The following KCNJ6 variants were observed in gnomAD, a reference collection of about 807,000 sequenced individuals.
The protein encoded by KCNJ6 is G protein-activated inward rectifier potassium channel 2.
In KCNJ6, 9 loss-of-function variants were observed where a neutral mutation model predicts 34.2. The ratio of observed to expected loss-of-function variants is 0.26; its 90% confidence interval spans 0.16 to 0.46. The LOEUF (loss-of-function observed/expected upper bound fraction) is 0.46. Ranked by LOEUF, KCNJ6 falls within the 20% of genes least tolerant of loss-of-function variation. The probability of loss-of-function intolerance (pLI) is 1.00; values close to 1 mark genes in which losing one functional copy is unlikely to be tolerated. For synonymous variants in KCNJ6, 196 were observed against 207.1 expected, an observed-to-expected ratio of 0.95 and a Z score of 0.46; for missense variants, 236 against 531.3, an observed-to-expected ratio of 0.44 and a Z score of 5.46.
intron 1 of KCNJ6, among the ~76,000 whole-genome samples, chr21:37,909,885 G>A (rs945690341): frequency 2.6e-5 from 4 of 152,170 alleles, no homozygotes; most frequent in Admixed American, 1.3e-4. Context: ...GTTGCTGCAC[G>A]GCTTGCAGTG....
At chr21:37,780,166 G>A (rs760829300) in intron 2 of KCNJ6, among the ~76,000 whole-genome samples, 2 of 152,164 alleles carry the variant, frequency 1.3e-5, no homozygotes, top group Admixed American at 6.5e-5. Flanking sequence ...AAGACCTGGA[G>A]GAGGCTTAAA....
intron 3 of KCNJ6, among the ~76,000 whole-genome samples, chr21:37,702,936 G>A (rs1449079213): frequency 4.6e-5 from 7 of 152,104 alleles, no homozygotes; most frequent in Non-Finnish European, 1.0e-4. Flanking sequence ...TGGATCTGGC[G>A]GGATGGACGT....
intron 2 of KCNJ6, among the ~76,000 whole-genome samples, chr21:37,800,141 G>A (rs2055262191): frequency 6.6e-6 from 1 of 152,112 alleles, no homozygotes; most frequent in Non-Finnish European, 1.5e-5. Context: ...AAGAGCAAAA[G>A]GAAGACTTGG....
chr21:37,832,697 C>T (rs2055432129), intron 2 of KCNJ6, among the ~76,000 whole-genome samples: 1 of 152,158 alleles, frequency 6.6e-6, no homozygotes, highest in South Asian at 2.1e-4. Context: ...ACCTGCTCAG[C>T]TCTGTATCTG....
intron 3 of KCNJ6, among the ~76,000 whole-genome samples, chr21:37,669,126 A>G (rs955156177): frequency 1.3e-5 from 2 of 152,154 alleles, no homozygotes; most frequent in Non-Finnish European, 2.9e-5. Context: ...ACTCCTTTCT[A>G]TTGATTCTAG....
At chr21:37,652,006 C>T (rs1305569060) in intron 3 of KCNJ6, among the ~76,000 whole-genome samples, 1 of 152,048 alleles carries the variant, frequency 6.6e-6, no homozygotes, top group African/African-American at 2.4e-5. Flanking sequence ...CACTGGTGTA[C>T]AGTAGCTGAT....
intron 3 of KCNJ6, among the ~76,000 whole-genome samples, chr21:37,645,017 G>GTTT (rs71198881): frequency 0.013 from 1,727 of 130,762 alleles, 16 homozygotes; most frequent in East Asian, 0.031. Context: ...AAACAGGTGG[G>GTTT]TTTTTTTTTT....
intron 3 of KCNJ6, among the ~76,000 whole-genome samples, chr21:37,645,018 T>G (rs1034109637): frequency 3.6e-4 from 14 of 39,196 alleles, no homozygotes; most frequent in South Asian, 9.9e-4. Context: ...AACAGGTGGG[T>G]TTTTTTTTTT....
chr21:37,655,846 T>G (rs2054461469), intron 3 of KCNJ6, among the ~76,000 whole-genome samples: 1 of 152,130 alleles, frequency 6.6e-6, no homozygotes, highest in South Asian at 2.1e-4. Flanking sequence ...GGTTTGCACT[T>G]CTGTTTCTGT....
At chr21:37,627,916 T>A (rs1287886565) in intron 3 of KCNJ6, among the ~76,000 whole-genome samples, 1 of 152,216 alleles carries the variant, frequency 6.6e-6, no homozygotes, top group Non-Finnish European at 1.5e-5. Context: ...TAAGAGAATC[T>A]GTCTAATTAT....
At chr21:37,796,107 G>A (rs1419883618) in intron 2 of KCNJ6, among the ~76,000 whole-genome samples, 1 of 152,154 alleles carries the variant, frequency 6.6e-6, no homozygotes, top group Non-Finnish European at 1.5e-5. Flanking sequence ...CGGCTTCTAT[G>A]CTCTGGGTTT....
chr21:37,759,535 T>C (rs941106349), intron 2 of KCNJ6, among the ~76,000 whole-genome samples: 13 of 152,156 alleles, frequency 8.5e-5, no homozygotes, highest in African/African-American at 3.1e-4. Context: ...TGCCACTCCA[T>C]CTGCCTGGCA....
chr21:37,649,524 G>A (rs1414851941), intron 3 of KCNJ6, among the ~76,000 whole-genome samples: 3 of 152,234 alleles, frequency 2.0e-5, no homozygotes, highest in African/African-American at 7.2e-5. Context: ...TGTAGTGGGA[G>A]GCTGTGGGCA....
At chr21:37,652,072 T>C (rs857984) in intron 3 of KCNJ6, among the ~76,000 whole-genome samples, 123,621 of 152,048 alleles carry the variant, frequency 0.81, 51,448 homozygotes, top group East Asian at 0.91. Context: ...GGAAAAGAGA[T>C]TAGTTAGACT....
chr21:37,815,314 T>A (rs2055341612), intron 2 of KCNJ6, among the ~76,000 whole-genome samples: 1 of 152,260 alleles, frequency 6.6e-6, no homozygotes, highest in Non-Finnish European at 1.5e-5. Flanking sequence ...AGAGGATGGA[T>A]ACCTCATTCT....
chr21:37,792,075 T>C (rs1049309398), intron 2 of KCNJ6, among the ~76,000 whole-genome samples: 2 of 152,272 alleles, frequency 1.3e-5, no homozygotes, highest in African/African-American at 2.4e-5. Flanking sequence ...ATGTGGTCTA[T>C]TTAATTGCTA....
chr21:37,728,180 T>C (rs2054865257), intron 2 of KCNJ6, among the ~76,000 whole-genome samples: 1 of 152,246 alleles, frequency 6.6e-6, no homozygotes, highest in Admixed American at 6.5e-5. Context: ...GAGGACATTA[T>C]GCTCAGTGAA....
chr21:37,838,429 G>T (rs887852263), intron 2 of KCNJ6, among the ~76,000 whole-genome samples: 3 of 152,158 alleles, frequency 2.0e-5, no homozygotes, highest in Non-Finnish European at 4.4e-5. Flanking sequence ...GAAGCCTTGG[G>T]AAAACTGTTA....
In KCNJ6 at chr21:37,618,866, A is replaced by T. The variant is rs569336662; in HGVS notation, c.*6293T>A. Reference sequence around the variant, plus strand: ...TCTTATTGAATTAGGTGGATACATGAAGCTTTCTTTTACCAAGGCAATGAG... The same window carrying T: ...TCTTATTGAATTAGGTGGATACATGTAGCTTTCTTTTACCAAGGCAATGAG... On this transcript the variant is annotated 3_prime_UTR_variant, in exon 4 of 4. Transcript: ENST00000609713. 1 of 152,338 alleles carries T rather than the reference A, an allele frequency of 6.6e-6. No homozygotes were observed. The highest frequency in any genetic ancestry group is 6.5e-5 in the Admixed American group (1 of 15,298). The allele number at this position is 152,338 out of a possible 1,614,324, so 9.4% of individuals were successfully genotyped here.
Sources: allele counts gnomAD v4.1 joint callset (sites outside exome capture counted in the v4.1 genomes callset), GRCh38; gene constraint gnomAD v4.1.1; transcripts MANE v1.5; gene names NCBI Gene and HGNC (gene_info 2026-07-23, HGNC 2026-07-21).